The following ADGRL3 variants were observed in gnomAD, a reference collection of about 807,000 sequenced individuals.
ADGRL3 encodes the protein adhesion G protein-coupled receptor L3.
ADGRL3 carries 62 observed loss-of-function variants against 153.5 expected under a neutral mutation model. The observed-to-expected ratio is 0.40, with a 90% CI of 0.33 to 0.50. The LOEUF (loss-of-function observed/expected upper bound fraction) is 0.50. ADGRL3 is among the 20% of genes least tolerant of loss of function. The pLI is 0.47. For missense variants in ADGRL3, 1,641 were observed against 1,859.4 expected, an observed-to-expected ratio of 0.88 and a Z score of 2.16; for synonymous variants, 710 against 672.5, an observed-to-expected ratio of 1.06 and a Z score of -0.86.
rs373008047 is a variant in ADGRL3 at position 61,691,422 on chromosome 4, G to A, written c.583+14487G>A. Among the ~76,000 whole-genome samples, 6 of 152,114 alleles carry A rather than the reference G, an allele frequency of 3.9e-5. No homozygotes were observed. The East Asian group carries it at 1.2e-3, about 29-fold the overall frequency. On this transcript the variant is annotated intron_variant, in intron 6 of 26. Transcript: ENST00000683033. ...TGTTTTTCTTTTTAACCTAACTCAT[G>A]GAAAACAGGAACTTTTTTCCTTTTT...
At position 61,383,208 on chromosome 4, in the gene ADGRL3, T is replaced by C. The variant is rs1309374767; in HGVS notation, c.-174+19T>C. The C allele has an allele frequency of 6.6e-6, 1 of 151,794 alleles. No homozygotes were observed. The allele number at this position is 151,794 out of a possible 1,614,324, so 9.4% of individuals were successfully genotyped here. A position where few individuals can be genotyped will look rare whatever the true frequency, so the allele number is the denominator to read the frequency against. ...AATTAAGGTAATTAGTAGATTATTATTGCCAACCATATAATTTCAAAATTT... is the reference window on the plus strand; with the variant it reads ...AATTAAGGTAATTAGTAGATTATTACTGCCAACCATATAATTTCAAAATTT... On this transcript the variant is annotated intron_variant, in intron 2 of 26. Coordinates refer to ENST00000683033, the MANE Select transcript of ADGRL3 (RefSeq NM_001387552.1).
chr4:61,747,126 T>A (rs1197882241), intron 8 of ADGRL3, among the ~76,000 whole-genome samples: 1 of 152,152 alleles, frequency 6.6e-6, no homozygotes, highest in Non-Finnish European at 1.5e-5. Context: ...GATAAATTCC[T>A]CGACACATAC....
chr4:61,362,171 T>G (rs2096293786), intron 1 of ADGRL3, among the ~76,000 whole-genome samples: 12 of 150,950 alleles, frequency 7.9e-5, no homozygotes, highest in Admixed American at 6.6e-4. Context: ...CCTGACTAAT[T>G]TTTGTATTTT....
chr4:61,280,815 T>G (rs2149985824), intron 1 of ADGRL3, among the ~76,000 whole-genome samples: 1 of 152,296 alleles, frequency 6.6e-6, no homozygotes, highest in South Asian at 2.1e-4. Flanking sequence ...TATATTGTAA[T>G]ATATCCACTT....
chr4:61,486,000 G>C (rs1027548971), intron 2 of ADGRL3, among the ~76,000 whole-genome samples: 2 of 151,760 alleles, frequency 1.3e-5, no homozygotes, highest in African/African-American at 4.8e-5. Flanking sequence ...CTGGAGTGCA[G>C]TGGCACAATC....
Position 61,896,919 on chromosome 4 carries a change from A to G in ADGRL3, c.1887+1085A>G, listed in dbSNP as rs867522050. On this transcript the variant is annotated intron_variant, in intron 11 of 26. Transcript: ENST00000683033. The stretch of plus-strand genomic sequence containing the variant: ...ATCTCCCTACATTAGCAATTCTTTA[A>G]AAACAGTCCCTAGATACTTAGCCCA... Among the ~76,000 whole-genome samples, 8 of 152,286 alleles carry G rather than the reference A, an allele frequency of 5.3e-5. No individual in the cohort carries two copies. In the South Asian group the frequency reaches 1.0e-3, roughly 20 times the overall value.
At chr4:61,580,256 T>G (rs948404864) in intron 4 of ADGRL3, among the ~76,000 whole-genome samples, 1 of 152,078 alleles carries the variant, frequency 6.6e-6, no homozygotes, top group Non-Finnish European at 1.5e-5. Context: ...ATTTTTATTT[T>G]TTAATTTTCA....
intron 6 of ADGRL3, among the ~76,000 whole-genome samples, chr4:61,727,701 T>C (rs2096373467): frequency 6.6e-6 from 1 of 152,182 alleles, no homozygotes. Flanking sequence ...CAGTTTTATA[T>C]TTAATGGGTT....
intron 23 of ADGRL3, among the ~76,000 whole-genome samples, chr4:62,032,076 A>T (rs561582448): frequency 6.7e-4 from 101 of 151,670 alleles, no homozygotes; most frequent in African/African-American, 2.3e-3. Flanking sequence ...TTACATTAGA[A>T]CATATAAATG....
intron 1 of ADGRL3, among the ~76,000 whole-genome samples, chr4:61,218,513 G>A (rs1743926524): frequency 6.6e-6 from 1 of 151,606 alleles, no homozygotes. Flanking sequence ...TTTTTAAGTA[G>A]AGACGAGATC....
chr4:61,866,696 C>T (rs554459001), intron 9 of ADGRL3, among the ~76,000 whole-genome samples: 310 of 152,294 alleles, frequency 2.0e-3, no homozygotes, highest in Non-Finnish European at 4.0e-3. Flanking sequence ...ACTCCTCATA[C>T]AGCCAGTGCT....
chr4:61,327,522 A>ATAAAG lies in ADGRL3; in HGVS notation c.-239-55599_-239-55595dup, dbSNP rs543922536. On this transcript the variant is annotated intron_variant, in intron 1 of 26. Transcript: ENST00000683033. ...TGAGTTCAAAGTTCTTCTAGATGCC[A>ATAAAG]TAAAGTATCGTCTAATCAGATTAAA... is the stretch of plus-strand genomic sequence containing the variant. Among the ~76,000 whole-genome samples, 201 of 152,084 alleles carry ATAAAG rather than the reference A, an allele frequency of 1.3e-3. 1 individual carries two copies. The highest frequency in any genetic ancestry group is 2.2e-3 in the Non-Finnish European group (152 of 67,938).
intron 5 of ADGRL3, among the ~76,000 whole-genome samples, chr4:61,614,949 C>G (rs939931766): frequency 6.6e-6 from 1 of 152,048 alleles, no homozygotes; most frequent in East Asian, 1.9e-4. Context: ...ACATAAGCAA[C>G]ATTTTAAAAG....
chr4:61,952,668 A>G (rs2098951745), intron 17 of ADGRL3, among the ~76,000 whole-genome samples: 1 of 152,182 alleles, frequency 6.6e-6, no homozygotes, highest in South Asian at 2.1e-4. Context: ...TTGTCAGAGC[A>G]TCACAAATTG....
chr4:61,589,722 G>C (rs2098961667), intron 5 of ADGRL3, among the ~76,000 whole-genome samples: 1 of 152,022 alleles, frequency 6.6e-6, no homozygotes, highest in Non-Finnish European at 1.5e-5. Context: ...ACTTGCTTCA[G>C]AGTGATGCAG....
At chr4:61,789,128 T>A (rs74990606) in intron 8 of ADGRL3, among the ~76,000 whole-genome samples, 2,925 of 152,280 alleles carry the variant, frequency 0.019, 72 homozygotes, top group East Asian at 0.069. Flanking sequence ...AGATTTTTTT[T>A]ACTTATTTTT....
chr4:61,232,829 C>T (rs1408580428), intron 1 of ADGRL3, among the ~76,000 whole-genome samples: 1 of 151,988 alleles, frequency 6.6e-6, no homozygotes, highest in African/African-American at 2.4e-5. Context: ...GAAATAAGCC[C>T]TCAGCTTTAT....
Position 61,282,399 on chromosome 4 carries a change from A to T in ADGRL3, c.-240+80634A>T, listed in dbSNP as rs1032167628. Among the ~76,000 whole-genome samples the T allele has an allele frequency of 2.6e-5, 4 of 152,068 alleles. No individual in the cohort carries two copies. The East Asian group carries it at 7.7e-4, about 29-fold the overall frequency. On this transcript the variant is annotated intron_variant, in intron 1 of 26. Transcript: ENST00000683033. ...TTATATCACATTTTACATCAGATTT[A>T]AAATCCGCATTTGGTTATTAAATTG...
At chr4:61,356,200 A>T (rs1003368249) in intron 1 of ADGRL3, among the ~76,000 whole-genome samples, 1 of 152,054 alleles carries the variant, frequency 6.6e-6, no homozygotes, top group Non-Finnish European at 1.5e-5. Flanking sequence ...CAGATTACGC[A>T]TCTACTGATA....
Sources: gnomAD v4.1 joint callset for allele counts (sites outside exome capture counted in the v4.1 genomes callset) on GRCh38, gnomAD v4.1.1 for gene constraint, MANE v1.5 for transcripts, NCBI Gene and HGNC (gene_info 2026-07-23, HGNC 2026-07-21) for gene names.